Variants in SNX29 observed in about 807,000 individuals in gnomAD.
SNX29 encodes the protein sorting nexin-29.
In SNX29, 78 loss-of-function variants were observed where a neutral mutation model predicts 102.1. The observed-to-expected ratio is 0.76, with a 90% CI of 0.64 to 0.92. The LOEUF is 0.92. Ranked by LOEUF, SNX29 falls within the 40% of genes least tolerant of loss-of-function variation. The pLI is 0.00. For missense variants in SNX29, 1,280 were observed against 1,061.7 expected, an observed-to-expected ratio of 1.21 and a Z score of -2.86; for synonymous variants, 580 against 414.5, an observed-to-expected ratio of 1.40 and a Z score of -4.85.
chr16:12,519,195 G>T (rs1011969457), intron 19 of SNX29, among the ~76,000 whole-genome samples: 4 of 152,172 alleles, frequency 2.6e-5, no homozygotes, highest in African/African-American at 9.7e-5. Context: ...CATTGCTCAG[G>T]CCATACAAAA....
intron 13 of SNX29, among the ~76,000 whole-genome samples, chr16:12,158,713 G>C (rs900273300): frequency 6.6e-6 from 1 of 152,194 alleles, no homozygotes; most frequent in Non-Finnish European, 1.5e-5. Flanking sequence ...CCGGAGACTC[G>C]GGGTAGCCCG....
At chr16:12,249,227 G>A (rs1342561310) in intron 14 of SNX29, among the ~76,000 whole-genome samples, 1 of 152,156 alleles carries the variant, frequency 6.6e-6, no homozygotes, top group African/African-American at 2.4e-5. Context: ...AAGGGCCTGG[G>A]CCAACTCAAT....
chr16:12,362,962 C>T (rs2082350352), intron 16 of SNX29, among the ~76,000 whole-genome samples: 1 of 152,056 alleles, frequency 6.6e-6, no homozygotes. Context: ...CACCAGTGGG[C>T]CCCCATGCCA....
At chr16:12,045,077 T>C (rs1429098683) in intron 5 of SNX29, among the ~76,000 whole-genome samples, 1 of 152,252 alleles carries the variant, frequency 6.6e-6, no homozygotes, top group Non-Finnish European at 1.5e-5. Context: ...CACATTCATT[T>C]AGATGCACGA....
chr16:12,467,631 C>T (rs1018452487), intron 18 of SNX29, among the ~76,000 whole-genome samples: 4 of 136,054 alleles, frequency 2.9e-5, no homozygotes, highest in Admixed American at 6.8e-5. Context: ...TTAGTTCGTT[C>T]GTTCGTTCAT....
chr16:12,415,441 C>G (rs1490891005), intron 18 of SNX29, among the ~76,000 whole-genome samples: 1 of 152,264 alleles, frequency 6.6e-6, no homozygotes, highest in African/African-American at 2.4e-5. Context: ...CTTGTAATTA[C>G]ACAGCAAGGA....
rs1598144851 is a variant in SNX29 at position 12,573,052 on chromosome 16, T to C, written c.*4423T>C. 1 of 234,914 alleles carries C rather than the reference T, an allele frequency of 4.3e-6. No homozygotes were observed. Among genetic ancestry groups the C allele is most frequent in the Middle Eastern group, 1.3e-3 (1 of 782 alleles). The allele number at this position is 234,914 out of a possible 1,614,324, so 14.6% of individuals were successfully genotyped here. ...GGCGTCCGTGCTAATTCTGCAGTTGTAGCACTGTATATTTTATCTCATTTC... is the reference window on the plus strand; with the variant it reads ...GGCGTCCGTGCTAATTCTGCAGTTGCAGCACTGTATATTTTATCTCATTTC... On this transcript the variant is annotated 3_prime_UTR_variant, in exon 21 of 21. Coordinates refer to ENST00000566228, the MANE Select transcript of SNX29 (RefSeq NM_032167.5).
At chr16:12,061,226 G>GC (rs962332132) in intron 8 of SNX29, among the ~76,000 whole-genome samples, 2 of 152,282 alleles carry the variant, frequency 1.3e-5, no homozygotes, top group South Asian at 2.1e-4. Context: ...TCATGTTCAT[G>GC]CCCCCCAACA....
chr16:12,091,074 AATAAT>A (rs2052518358), intron 11 of SNX29, among the ~76,000 whole-genome samples: 1 of 151,716 alleles, frequency 6.6e-6, no homozygotes, highest in Non-Finnish European at 1.5e-5. Context: ...GGAAAATAGT[AATAAT>A]ACAAATACTT....
chr16:12,481,395 T>TATACACACAC lies in SNX29; in HGVS notation c.2178+3537_2178+3538insTACACACACA, dbSNP rs536664184. Among the ~76,000 whole-genome samples, 22 of 149,830 alleles carry TATACACACAC rather than the reference T, an allele frequency of 1.5e-4. No individual in the cohort carries two copies. In the East Asian group the frequency reaches 1.6e-3, roughly 11 times the overall value. ...TGTCTTTTATACATATATATATATA[T>TATACACACAC]ACACACACACACACACATATACATA... On this transcript the variant is annotated intron_variant, in intron 19 of 20. Coordinates refer to ENST00000566228, the MANE Select transcript of SNX29 (RefSeq NM_032167.5).
chr16:12,065,808 T>C (rs984620375), intron 9 of SNX29, among the ~76,000 whole-genome samples: 3 of 152,202 alleles, frequency 2.0e-5, no homozygotes, highest in Admixed American at 2.0e-4. Context: ...CAGGCCTGTA[T>C]GCTAAAGTGG....
At chr16:12,043,608 C>T (rs2049973673) in intron 5 of SNX29, among the ~76,000 whole-genome samples, 1 of 152,038 alleles carries the variant, frequency 6.6e-6, no homozygotes, top group Non-Finnish European at 1.5e-5. Context: ...CTTCCCACCT[C>T]AGCCTCCCAA....
At chr16:12,010,694 T>A (rs893459622) in intron 3 of SNX29, among the ~76,000 whole-genome samples, 3 of 151,914 alleles carry the variant, frequency 2.0e-5, no homozygotes, top group African/African-American at 7.2e-5. Flanking sequence ...GAAGAAATCA[T>A]AGGAGAGCAT....
chr16:11,980,103 T>G (rs995658227), intron 1 of SNX29, among the ~76,000 whole-genome samples: 9 of 152,038 alleles, frequency 5.9e-5, no homozygotes, highest in Admixed American at 4.6e-4. Context: ...AACATCACCA[T>G]AGTTAATTTC....
chr16:12,369,940 G>A (rs535125635), intron 16 of SNX29, among the ~76,000 whole-genome samples: 1 of 152,300 alleles, frequency 6.6e-6, no homozygotes, highest in East Asian at 1.9e-4. Context: ...TTTGAGGCCA[G>A]GCACAGTGGC....
chr16:12,113,753 G>C (rs901190271), intron 11 of SNX29, among the ~76,000 whole-genome samples: 1 of 152,242 alleles, frequency 6.6e-6, no homozygotes. Flanking sequence ...GGCTTTAGAC[G>C]GGTCGGGGTC....
intron 20 of SNX29, among the ~76,000 whole-genome samples, chr16:12,538,120 ATTT>A (rs67769379): frequency 6.6e-6 from 1 of 151,716 alleles, no homozygotes. Context: ...TTCCCCTTGC[ATTT>A]TTTTATTTTT....
At chr16:12,190,891 G>C (rs2076625317) in intron 13 of SNX29, among the ~76,000 whole-genome samples, 2 of 152,276 alleles carry the variant, frequency 1.3e-5, no homozygotes, top group South Asian at 4.2e-4. Flanking sequence ...GGTATCTTTT[G>C]CTTTCCCTCT....
At chr16:12,467,611 T>TGTTA (rs1555545951) in intron 18 of SNX29, among the ~76,000 whole-genome samples, 2 of 136,540 alleles carry the variant, frequency 1.5e-5, no homozygotes, top group Non-Finnish European at 3.0e-5. Context: ...TTTGTTCGTT[T>TGTTA]GTTCGTTCGT....
Sources: gnomAD v4.1 joint callset for allele counts (sites outside exome capture counted in the v4.1 genomes callset) on GRCh38, gnomAD v4.1.1 for gene constraint, MANE v1.5 for transcripts, NCBI Gene and HGNC (gene_info 2026-07-23, HGNC 2026-07-21) for gene names.